Variants in RANBP3 observed in about 807,000 individuals in gnomAD.
RANBP3 encodes RAN binding protein 3, also known as ran-binding protein 3.
Under a neutral mutation model 77.3 loss-of-function variants are expected in RANBP3, and 14 were observed. The ratio of observed to expected loss-of-function variants is 0.18; its 90% CI spans 0.12 to 0.28. The LOEUF (loss-of-function observed/expected upper bound fraction) is 0.28, where lower values mean the gene tolerates loss of function less well. Ranked by LOEUF, RANBP3 falls within the 10% of genes least tolerant of loss-of-function variation. RANBP3 has a pLI of 1.00. For missense variants in RANBP3, 586 were observed against 752.3 expected, an observed-to-expected ratio of 0.78 and a Z score of 2.59; for synonymous variants, 315 against 312.4, an observed-to-expected ratio of 1.01 and a Z score of -0.09.
rs376615281 is a variant in RANBP3, at chr19:5,918,548, C to T, written c.1421G>A (p.Arg474His). ...QIDKASEKSI[R>H]ITAMDTEDQG... Reference sequence around the variant, plus strand: ...GTCCTCGGTGTCCATGGCTGTGATGCGAATGCTCTTCTCGCTGGCCTTGTC... The same window carrying T: ...GTCCTCGGTGTCCATGGCTGTGATGTGAATGCTCTTCTCGCTGGCCTTGTC... The change falls in exon 15 of 17, where the codon CGC becomes CAC. Residue 474 changes from arginine to histidine, a missense_variant. By Grantham distance (29) the Arg-to-His change is conservative. Coordinates refer to ENST00000340578, the MANE Select transcript of RANBP3 (RefSeq NM_007322.3). The T allele has an allele frequency of 5.6e-6, 9 of 1,613,562 alleles. No homozygotes were observed. The highest frequency in any genetic ancestry group is 5.0e-5 in the Admixed American group (3 of 59,980).
At chr19:5,972,454 G>A (rs2058541772) in intron 1 of RANBP3, among the ~76,000 whole-genome samples, 1 of 152,034 alleles carries the variant, frequency 6.6e-6, no homozygotes, top group Non-Finnish European at 1.5e-5. Context: ...ACAGAACACC[G>A]CTCCACCAGG....
intron 3 of RANBP3, among the ~76,000 whole-genome samples, chr19:5,950,158 C>T (rs141678278): frequency 2.6e-5 from 4 of 152,186 alleles, no homozygotes; most frequent in Admixed American, 1.3e-4. Flanking sequence ...AAAAGAAGGA[C>T]GCAGCCACCT....
At chr19:5,933,512 C>G (rs1352503192) in intron 5 of RANBP3, 33 bp from the exon 6 acceptor site, 1 of 1,601,664 alleles carries the variant, frequency 6.2e-7, no homozygotes, top group Admixed American at 1.7e-5. Flanking sequence ...CAACAGCAGG[C>G]CTGCCTGGGC....
At chr19:5,951,323 G>C in intron 3 of RANBP3, 70 bp downstream of exon 3, 2 of 1,406,088 alleles carry the variant, frequency 1.4e-6, no homozygotes, top group Non-Finnish European at 2.0e-6. Context: ...TGAGGGACCC[G>C]AAGGGAAAGT....
intron 1 of RANBP3, among the ~76,000 whole-genome samples, chr19:5,973,050 C>A (rs2058548714): frequency 1.3e-5 from 2 of 152,186 alleles, no homozygotes; most frequent in Non-Finnish European, 2.9e-5. Flanking sequence ...CCTGGATACC[C>A]CTTGGGTACC....
chr19:5,918,041 C>T (rs2057766623), intron 15 of RANBP3, 61 bp from the exon 16 acceptor site: 15 of 1,498,500 alleles, frequency 1.0e-5, no homozygotes, highest in South Asian at 5.3e-5. Context: ...CTGCCTTCTG[C>T]AGAACACAAG....
At position 5,958,659 on chromosome 19, in the gene RANBP3, C is replaced by T. The variant is rs2058363836; in HGVS notation, c.23-686G>A. On this transcript the variant is annotated intron_variant, in intron 1 of 16. Coordinates refer to ENST00000340578, the MANE Select transcript of RANBP3 (RefSeq NM_007322.3). The surrounding 1 kb of genome is among the most constrained non-coding windows in gnomAD (Gnocchi z 4.4). ...GCCAGATCCACAGCCCTGTGCCACT[C>T]AGCCCCGGAGTGGGTGGCAGCCCAG... is the stretch of plus-strand genomic sequence containing the variant. 6.6e-6 allele frequency among the ~76,000 whole-genome samples: 1 copy of T among 152,232 alleles called. No homozygotes were observed. The highest frequency in any genetic ancestry group is 6.5e-5 in the Admixed American group (1 of 15,286).
Position 5,958,351 on chromosome 19 carries a change from CTAAT to C in RANBP3, c.23-382_23-379del, listed in dbSNP as rs1399758781. Reference sequence around the variant, plus strand: ...CCTCCTGAATTGCAAATGTTAGAGACTAATTTAGCTTTTTAAAGTTTACAGGCCA... The same window carrying C: ...CCTCCTGAATTGCAAATGTTAGAGACTTAGCTTTTTAAAGTTTACAGGCCA... On this transcript the variant is annotated intron_variant, in intron 1 of 16. Transcript: ENST00000340578. This position sits in a 1 kb window ranked among gnomAD's most constrained non-coding sequence, Gnocchi z 4.4. Among the ~76,000 whole-genome samples, 1 of 152,154 alleles carries C rather than the reference CTAAT, an allele frequency of 6.6e-6. No individual in the cohort carries two copies. Among genetic ancestry groups the C allele is most frequent in the African/African-American group, 2.4e-5 (1 of 41,420 alleles).
rs370685009 is a variant in RANBP3 at position 5,925,684 on chromosome 19, G to A, written c.867C>T (p.Ser289=). 284 of 1,613,802 alleles carry A rather than the reference G, an allele frequency of 1.8e-4. No individual in the cohort carries two copies. Among genetic ancestry groups the A allele is most frequent in the East Asian group, 4.7e-4 (21 of 44,860 alleles). Residue 289 remains serine, a synonymous_variant, in exon 10 of 17, where the codon AGC becomes AGT. Coordinates refer to ENST00000340578, the MANE Select transcript of RANBP3 (RefSeq NM_007322.3). ...AGTTCGTTGCGGTTGGCGTGTCTGC[G>A]CTGGGGTGTCCAGCATTCTCCATGT... ...EADMENAGHP[S]ADTPTATNYF...
chr19:5,951,799 T>C (rs1400062173), intron 2 of RANBP3, among the ~76,000 whole-genome samples: 3 of 151,822 alleles, frequency 2.0e-5, no homozygotes, highest in Admixed American at 1.3e-4. Context: ...GAAGTGAGAG[T>C]GGACTAGGTG....
rs1452490127 is a variant in RANBP3, at chr19:5,917,671, C to T, written c.1661-18G>A. 33 of 1,605,070 alleles carry T rather than the reference C, an allele frequency of 2.1e-5. No individual in the cohort carries two copies. Among genetic ancestry groups the T allele is most frequent in the Non-Finnish European group, 2.8e-5 (33 of 1,178,564 alleles). ...ACCAGCACCTGCAGGGAAGCAGCAG[C>T]CCCGCATCAGGATGGAGCCCGCACT... On this transcript the variant is annotated intron_variant, in intron 16 of 16. Transcript: ENST00000340578.
intron 8 of RANBP3, among the ~76,000 whole-genome samples, chr19:5,929,649 G>A (rs2057961572): frequency 6.6e-6 from 1 of 152,220 alleles, no homozygotes; most frequent in Non-Finnish European, 1.5e-5. Flanking sequence ...TCCCCCATGG[G>A]TCGCCCCCAA....
chr19:5,935,954 C>A, intron 5 of RANBP3: 2 of 377,842 alleles, frequency 5.3e-6, no homozygotes, highest in South Asian at 3.8e-5. Context: ...GAGGGATGCG[C>A]ATCACTCCAG....
rs764404434 is a variant in RANBP3 at position 5,951,495 on chromosome 19, C to G, written c.180G>C (p.Glu60Asp). The change falls in exon 3 of 17, where the codon GAG (glutamate) becomes GAC (aspartate). Residue 60 changes from glutamate (E) to aspartate (D), a missense_variant. Physicochemically the swap from Glu to Asp is conservative, Grantham distance 45. Transcript: ENST00000340578. ...HGTGHPESAG[E>D]HALEPPAPAG... ...CAGGGGCAGGAGGTTCTAGGGCATGCTCGCCAGCTGACTCGGGGTGACCCG... is the reference window on the plus strand; with the variant it reads ...CAGGGGCAGGAGGTTCTAGGGCATGGTCGCCAGCTGACTCGGGGTGACCCG... 4 of 1,610,850 alleles carry G rather than the reference C, an allele frequency of 2.5e-6. No homozygotes were observed. Among genetic ancestry groups the G allele is most frequent in the Non-Finnish European group, 3.4e-6 (4 of 1,178,192 alleles).
At chr19:5,977,468 G>A (rs999545383) in intron 1 of RANBP3, among the ~76,000 whole-genome samples, 12 of 152,274 alleles carry the variant, frequency 7.9e-5, no homozygotes, top group Non-Finnish European at 1.3e-4. Context: ...AAATGAGGGG[G>A]AGACGAAGCG....
intron 3 of RANBP3, among the ~76,000 whole-genome samples, chr19:5,947,229 G>A (rs1181855889): frequency 2.0e-5 from 3 of 151,110 alleles, no homozygotes; most frequent in African/African-American, 7.3e-5. Context: ...CAGGAGAATC[G>A]CTTGAACCCA....
At position 5,921,070 on chromosome 19, in the gene RANBP3, A is replaced by C; in HGVS notation, c.1330+131T>G. On this transcript the variant is annotated intron_variant, in intron 14 of 16. Coordinates refer to ENST00000340578, the MANE Select transcript of RANBP3 (RefSeq NM_007322.3). This position sits in a 1 kb window ranked among gnomAD's most constrained non-coding sequence, Gnocchi z 5.3. The stretch of plus-strand genomic sequence containing the variant: ...GGGTTTGGGGGGCGGCTCTCATGGG[A>C]GACCGACTCTGTGCCTTGACTCTCA... 2.2e-5 allele frequency: 27 copies of C among 1,225,080 alleles called. No individual in the cohort carries two copies. The highest frequency in any genetic ancestry group is 2.8e-5 in the Non-Finnish European group (25 of 908,800). The allele number at this position is 1,225,080 out of a possible 1,614,324, so 75.9% of individuals were successfully genotyped here. A position where few individuals can be genotyped will look rare whatever the true frequency, so the allele number is the denominator to read the frequency against.
At position 5,931,550 on chromosome 19, in the gene RANBP3, G is replaced by A; in HGVS notation, c.566-19C>T. ...CTGGGGACTGTGGGAGGGAAGGAGA[G>A]TGGGGAATCACAGGTGCTTGGCGGC... On this transcript the variant is annotated intron_variant, in intron 7 of 16. Transcript: ENST00000340578. The A allele has an allele frequency of 6.3e-7, 1 of 1,596,300 alleles. No individual in the cohort carries two copies. Among genetic ancestry groups the A allele is most frequent in the Non-Finnish European group, 8.6e-7 (1 of 1,168,088 alleles).
intron 1 of RANBP3, among the ~76,000 whole-genome samples, chr19:5,968,354 T>C (rs55831999): frequency 0.019 from 2,823 of 152,266 alleles, 85 homozygotes; most frequent in African/African-American, 0.065. Context: ...GATAAGACAA[T>C]GTACCTCTGG....
Sources: gnomAD v4.1 joint callset for allele counts (sites outside exome capture counted in the v4.1 genomes callset) on GRCh38, gnomAD v4.1.1 for gene constraint, Gnocchi (gnomAD v3.1) non-coding constraint, MANE v1.5 for transcripts, NCBI Gene and HGNC (gene_info 2026-07-23, HGNC 2026-07-21) for gene names.